Variants in KCNIP4 observed in about 807,000 individuals in gnomAD.
The protein encoded by KCNIP4 is Kv channel-interacting protein 4.
In KCNIP4, 12 loss-of-function variants were observed where a neutral mutation model predicts 34.0. The ratio of observed to expected loss-of-function variants is 0.35; its 90% confidence interval spans 0.23 to 0.57. KCNIP4 has a LOEUF of 0.57. Among genes scored for constraint, KCNIP4 ranks in the 20% least tolerant of loss-of-function variants. KCNIP4 has a pLI of 0.83. For synonymous variants in KCNIP4, 124 were observed against 102.2 expected, an observed-to-expected ratio of 1.21 and a Z score of -1.29; for missense variants, 238 against 311.7, an observed-to-expected ratio of 0.76 and a Z score of 1.78.
intron 1 of KCNIP4, among the ~76,000 whole-genome samples, chr4:21,409,396 C>G (rs1724290650): frequency 6.6e-6 from 1 of 152,090 alleles, no homozygotes; most frequent in African/African-American, 2.4e-5. Context: ...TGCACCCAGC[C>G]TCAAGTATTA....
At chr4:20,849,620 G>C (rs984142168) in intron 3 of KCNIP4, among the ~76,000 whole-genome samples, 1 of 145,136 alleles carries the variant, frequency 6.9e-6, no homozygotes, top group African/African-American at 2.4e-5. Context: ...TGGAACTGGG[G>C]TTCTTAGGGG....
At chr4:21,244,765 AC>A (rs983016444) in intron 1 of KCNIP4, among the ~76,000 whole-genome samples, 6 of 152,208 alleles carry the variant, frequency 3.9e-5, no homozygotes, top group African/African-American at 1.4e-4. Context: ...ATTAAAATGC[AC>A]ATTTAAATGA....
chr4:21,408,061 A>G (rs1724154034), intron 1 of KCNIP4, among the ~76,000 whole-genome samples: 1 of 152,212 alleles, frequency 6.6e-6, no homozygotes, highest in Non-Finnish European at 1.5e-5. Flanking sequence ...CAAAGGCTCT[A>G]TAGAATCAGA....
intron 1 of KCNIP4, among the ~76,000 whole-genome samples, chr4:20,958,545 T>C (rs937847512): frequency 6.6e-6 from 1 of 152,184 alleles, no homozygotes. Flanking sequence ...GGTTTCCCTT[T>C]AGGCAGAGTT....
chr4:21,175,351 C>T (rs1000278220), intron 1 of KCNIP4, among the ~76,000 whole-genome samples: 5 of 152,102 alleles, frequency 3.3e-5, no homozygotes, highest in Admixed American at 1.3e-4. Flanking sequence ...TATCCTTATC[C>T]GTGAGGGATA....
intron 1 of KCNIP4, among the ~76,000 whole-genome samples, chr4:21,560,578 C>G (rs1236417986): frequency 6.6e-6 from 1 of 151,928 alleles, no homozygotes; most frequent in Non-Finnish European, 1.5e-5. Context: ...GTGACTTGAG[C>G]AAAGGTTTTA....
At chr4:21,873,205 C>G (rs990440287) in intron 1 of KCNIP4, among the ~76,000 whole-genome samples, 1 of 152,138 alleles carries the variant, frequency 6.6e-6, no homozygotes, top group Admixed American at 6.5e-5. Flanking sequence ...ATTTAGAGAG[C>G]CTTCCAGGTA....
intron 1 of KCNIP4, among the ~76,000 whole-genome samples, chr4:21,405,666 C>T (rs1028090251): frequency 2.0e-5 from 3 of 152,140 alleles, no homozygotes; most frequent in African/African-American, 7.2e-5. Flanking sequence ...ATGGAAGGAC[C>T]TAATAAATAT....
At chr4:20,742,818 G>A (rs534492756) in intron 5 of KCNIP4, among the ~76,000 whole-genome samples, 3 of 152,142 alleles carry the variant, frequency 2.0e-5, no homozygotes, top group East Asian at 3.9e-4. Context: ...AGAAAACCCT[G>A]TCGTCTCAGC....
At chr4:21,128,656 T>C (rs1042732995) in intron 1 of KCNIP4, among the ~76,000 whole-genome samples, 4 of 152,182 alleles carry the variant, frequency 2.6e-5, no homozygotes, top group African/African-American at 9.7e-5. Context: ...AGAGAAAGAA[T>C]ACAGAGCTAT....
At chr4:21,768,823 C>A (rs1718591461) in intron 1 of KCNIP4, among the ~76,000 whole-genome samples, 1 of 151,976 alleles carries the variant, frequency 6.6e-6, no homozygotes, top group South Asian at 2.1e-4. Context: ...CAAGAACACA[C>A]AATTGGGTTA....
intron 1 of KCNIP4, among the ~76,000 whole-genome samples, chr4:21,940,479 C>T (rs558911526): frequency 2.4e-4 from 37 of 152,184 alleles, no homozygotes; most frequent in Non-Finnish European, 4.1e-4. Flanking sequence ...ATTTTCTCCT[C>T]AACTTGACTA....
intron 1 of KCNIP4, among the ~76,000 whole-genome samples, chr4:21,794,255 C>T (rs2323111): frequency 0.82 from 125,225 of 152,002 alleles, 51,966 homozygotes; most frequent in Non-Finnish European, 0.87. Context: ...ACATGTACCC[C>T]AAAACTTAAA....
chr4:21,935,219 A>G (rs1729788698), intron 1 of KCNIP4, among the ~76,000 whole-genome samples: 1 of 151,932 alleles, frequency 6.6e-6, no homozygotes, highest in Non-Finnish European at 1.5e-5. Flanking sequence ...ATACCTTCCT[A>G]CTTAATGCCT....
intron 1 of KCNIP4, among the ~76,000 whole-genome samples, chr4:21,395,079 C>T (rs1490308915): frequency 2.0e-5 from 3 of 151,986 alleles, no homozygotes; most frequent in African/African-American, 7.2e-5. Flanking sequence ...CACTCAGAAC[C>T]CCAGAGTTGG....
At chr4:21,838,837 C>A (rs1180625972) in intron 1 of KCNIP4, among the ~76,000 whole-genome samples, 2 of 152,186 alleles carry the variant, frequency 1.3e-5, no homozygotes, top group Non-Finnish European at 2.9e-5. Context: ...CATATTATAT[C>A]TGATCAATCA....
intron 1 of KCNIP4, among the ~76,000 whole-genome samples, chr4:21,310,642 C>CT (rs201841561): frequency 0.047 from 7,032 of 151,186 alleles, 228 homozygotes; most frequent in Non-Finnish European, 0.075. Context: ...TCTTTTTTTT[C>CT]TTTTTTTGAG....
chr4:21,261,191 A>C (rs1761446823), intron 1 of KCNIP4, among the ~76,000 whole-genome samples: 1 of 152,202 alleles, frequency 6.6e-6, no homozygotes, highest in African/African-American at 2.4e-5. Context: ...TTGTGTAAAA[A>C]ACCTTCAACA....
At chr4:21,263,688 G>A (rs1034545625) in intron 1 of KCNIP4, among the ~76,000 whole-genome samples, 5 of 151,866 alleles carry the variant, frequency 3.3e-5, no homozygotes, top group African/African-American at 9.7e-5. Context: ...TATTTTTTGC[G>A]ACAGGGTCTC....
Sources: allele counts gnomAD v4.1 joint callset (sites outside exome capture counted in the v4.1 genomes callset), GRCh38; gene constraint gnomAD v4.1.1; transcripts MANE v1.5; gene names NCBI Gene and HGNC (gene_info 2026-07-23, HGNC 2026-07-21).